Variants in NDST3 observed in about 807,000 individuals in gnomAD.
The protein encoded by NDST3 is N-deacetylase and N-sulfotransferase 3.
In NDST3, 58 loss-of-function variants were observed where a neutral mutation model predicts 96.1. The observed-to-expected ratio is 0.60, with a 90% CI of 0.49 to 0.75. The LOEUF (loss-of-function observed/expected upper bound fraction) is 0.75. Among genes scored for constraint, NDST3 ranks in the 30% least tolerant of loss-of-function variants. The pLI is 0.00. For missense variants in NDST3, 788 were observed against 1,034.2 expected (o/e 0.76, Z 3.27); for synonymous variants, 333 against 359.7 (o/e 0.93, Z 0.84).
intron 6 of NDST3, among the ~76,000 whole-genome samples, chr4:118,163,404 T>C (rs1735327431): frequency 1.3e-5 from 2 of 152,236 alleles, no homozygotes; most frequent in South Asian, 4.1e-4. Context: ...ATATACACCA[T>C]GGAATACTAT....
At chr4:118,166,667 AAATTC>A (rs755596798) in intron 6 of NDST3, among the ~76,000 whole-genome samples, 2 of 152,142 alleles carry the variant, frequency 1.3e-5, no homozygotes, top group South Asian at 2.1e-4. Context: ...AGTGCAAACT[AAATTC>A]AACAGCACAT....
At chr4:118,149,044 T>C (rs551942804) in intron 6 of NDST3, among the ~76,000 whole-genome samples, 140 of 152,172 alleles carry the variant, frequency 9.2e-4, no homozygotes, top group Middle Eastern at 3.4e-3. Flanking sequence ...TTCTCAGGTT[T>C]GTCAAAGATC....
At chr4:118,182,934 T>A (rs749121482) in intron 6 of NDST3, among the ~76,000 whole-genome samples, 1 of 151,138 alleles carries the variant, frequency 6.6e-6, no homozygotes, top group Non-Finnish European at 1.5e-5. Flanking sequence ...CTGTTTATGA[T>A]AAACAATACA....
intron 2 of NDST3, among the ~76,000 whole-genome samples, chr4:118,070,615 T>C (rs1726975899): frequency 1.3e-5 from 2 of 151,976 alleles, no homozygotes; most frequent in South Asian, 4.1e-4. Context: ...CATCTATGTG[T>C]TCAACCCTCA....
At chr4:118,185,788 T>C (rs899840389) in intron 6 of NDST3, among the ~76,000 whole-genome samples, 2 of 152,188 alleles carry the variant, frequency 1.3e-5, no homozygotes, top group African/African-American at 2.4e-5. Flanking sequence ...AACTCAGTGA[T>C]TGACACAAGA....
At chr4:118,170,667 T>C (rs1012272095) in intron 6 of NDST3, among the ~76,000 whole-genome samples, 1 of 152,078 alleles carries the variant, frequency 6.6e-6, no homozygotes, top group African/African-American at 2.4e-5. Flanking sequence ...TGGTGGAGAT[T>C]GCAGTGAGCC....
intron 4 of NDST3, among the ~76,000 whole-genome samples, chr4:118,122,416 T>G (rs962685153): frequency 6.6e-6 from 1 of 152,230 alleles, no homozygotes; most frequent in African/African-American, 2.4e-5. Context: ...ACATGAGTGC[T>G]AACCTTGGCT....
chr4:118,192,221 C>T (rs1240794019), intron 6 of NDST3, among the ~76,000 whole-genome samples: 2 of 152,156 alleles, frequency 1.3e-5, no homozygotes, highest in Non-Finnish European at 2.9e-5. Flanking sequence ...AATATTTTCT[C>T]CCATTCTGTG....
intron 6 of NDST3, among the ~76,000 whole-genome samples, chr4:118,146,577 C>T (rs1351213009): frequency 6.6e-6 from 1 of 152,186 alleles, no homozygotes; most frequent in African/African-American, 2.4e-5. Flanking sequence ...AACAGAATAA[C>T]TCTCTGGCCT....
chr4:118,139,176 C>T lies in NDST3; in HGVS notation c.1410+937C>T, dbSNP rs78928973. On this transcript the variant is annotated intron_variant, in intron 5 of 13. Coordinates refer to ENST00000296499, the MANE Select transcript of NDST3 (RefSeq NM_004784.3). ...AACTGTTGTAAATGCTAGACGGGGA[C>T]ATAATGGCCACATTTTATCCCAATC... is the stretch of plus-strand genomic sequence containing the variant. Among the ~76,000 whole-genome samples the T allele has an allele frequency of 5.5e-3, 840 of 152,302 alleles. 9 individuals carry two copies. Among genetic ancestry groups the T allele is most frequent in the African/African-American group, 0.019 (806 of 41,548 alleles).
intron 6 of NDST3, among the ~76,000 whole-genome samples, chr4:118,152,548 C>T (rs1006111205): frequency 1.3e-5 from 2 of 151,940 alleles, no homozygotes; most frequent in Admixed American, 1.3e-4. Flanking sequence ...GGAAAAGGGG[C>T]CTACTGTAAA....
chr4:118,163,492 A>T (rs1319913109), intron 6 of NDST3, among the ~76,000 whole-genome samples: 1 of 152,090 alleles, frequency 6.6e-6, no homozygotes, highest in African/African-American at 2.4e-5. Flanking sequence ...TCAGTAAACT[A>T]TCGCAAGAAC....
intron 2 of NDST3, among the ~76,000 whole-genome samples, chr4:118,075,800 C>A (rs980860260): frequency 1.3e-4 from 20 of 152,112 alleles, no homozygotes; most frequent in African/African-American, 4.8e-4. Flanking sequence ...TGGATATTAG[C>A]CCTTTGTCAG....
At chr4:118,148,681 T>C (rs942600660) in intron 6 of NDST3, among the ~76,000 whole-genome samples, 2 of 152,138 alleles carry the variant, frequency 1.3e-5, no homozygotes, top group East Asian at 1.9e-4. Flanking sequence ...TTAACCCACA[T>C]TGAAATTGAA....
intron 1 of NDST3, among the ~76,000 whole-genome samples, chr4:118,037,815 C>A (rs1724232869): frequency 6.6e-6 from 1 of 152,132 alleles, no homozygotes; most frequent in Non-Finnish European, 1.5e-5. Flanking sequence ...CTAAAATGTG[C>A]CCAAGGTAAC....
chr4:118,091,122 T>C (rs1327289006), intron 2 of NDST3, among the ~76,000 whole-genome samples: 2 of 151,324 alleles, frequency 1.3e-5, no homozygotes, highest in African/African-American at 4.9e-5. Flanking sequence ...TAGATATAGA[T>C]ACCAGATATA....
intron 6 of NDST3, among the ~76,000 whole-genome samples, chr4:118,222,792 T>G (rs1312095141): frequency 6.6e-6 from 1 of 151,998 alleles, no homozygotes; most frequent in Non-Finnish European, 1.5e-5. Context: ...AGAGTAGCAT[T>G]TTTTTACTTT....
At chr4:118,050,702 AC>A (rs1560607786) in intron 1 of NDST3, among the ~76,000 whole-genome samples, 2 of 152,224 alleles carry the variant, frequency 1.3e-5, no homozygotes, top group Non-Finnish European at 2.9e-5. Context: ...GAACTAAAAA[AC>A]ACTGATGAAA....
chr4:118,100,415 T>C (rs1729669883), intron 2 of NDST3, among the ~76,000 whole-genome samples: 1 of 152,022 alleles, frequency 6.6e-6, no homozygotes, highest in African/African-American at 2.4e-5. Flanking sequence ...CACAACCACA[T>C]GAGCCAAATC....
Sources: gnomAD v4.1 joint callset for allele counts (sites outside exome capture counted in the v4.1 genomes callset) on GRCh38, gnomAD v4.1.1 for gene constraint, MANE v1.5 for transcripts, NCBI Gene and HGNC (gene_info 2026-07-23, HGNC 2026-07-21) for gene names.